MRTFB: variants seen among roughly 807,000 people sequenced by gnomAD.
MRTFB encodes myocardin related transcription factor B.
Under a neutral mutation model 104.2 loss-of-function variants are expected in MRTFB, and 29 were observed. The observed-to-expected ratio is 0.28, with a 90% CI of 0.21 to 0.38. The LOEUF (loss-of-function observed/expected upper bound fraction) is 0.38, where lower values mean the gene tolerates loss of function less well. Ranked by LOEUF, MRTFB falls within the 10% of genes least tolerant of loss-of-function variation. The pLI, the probability that MRTFB is intolerant of heterozygous loss-of-function variation, is 1.00. For synonymous variants in MRTFB, 535 were observed against 519.5 expected (o/e 1.03, Z -0.41); for missense variants, 1,270 against 1,341.6 (o/e 0.95, Z 0.83).
intron 3 of MRTFB, chr16:14,142,992 C>A (rs1021052199): frequency 3.3e-5 from 5 of 152,070 alleles, no homozygotes; most frequent in Admixed American, 2.6e-4. Context: ...ATAAAACCAT[C>A]CTACTCAAAG....
intron 2 of MRTFB, among the ~76,000 whole-genome samples, chr16:14,096,794 T>A (rs1448773929): frequency 1.3e-5 from 2 of 152,250 alleles, no homozygotes; most frequent in Non-Finnish European, 2.9e-5. Context: ...GTATGTTTTT[T>A]AAAAAATCAT....
chr16:14,159,382 T>C (rs2038945733), intron 3 of MRTFB, among the ~76,000 whole-genome samples: 1 of 152,166 alleles, frequency 6.6e-6, no homozygotes, highest in Non-Finnish European at 1.5e-5. Context: ...GTAGAAGATG[T>C]CCAAATAATT....
chr16:14,200,906 G>A, intron 3 of MRTFB: 2 of 1,451,028 alleles, frequency 1.4e-6, no homozygotes, highest in Non-Finnish European at 1.9e-6. Flanking sequence ...AATTTAACCA[G>A]CATGGCTACT....
At chr16:14,034,573 C>T in the MRTFB span, among the ~76,000 whole-genome samples, 1 of 145,676 alleles carries the variant, frequency 6.9e-6, no homozygotes, top group African/African-American at 2.6e-5. Context: ...GAGATCGTGC[C>T]ATTGCACTCC....
At chr16:14,121,223 A>T (rs1596947036) in intron 2 of MRTFB, among the ~76,000 whole-genome samples, 2 of 139,892 alleles carry the variant, frequency 1.4e-5, no homozygotes. Context: ...TTTTACATTG[A>T]GCTTTAGGCT....
At chr16:14,225,523 C>T (rs9931854) in intron 8 of MRTFB, among the ~76,000 whole-genome samples, 1 of 152,000 alleles carries the variant, frequency 6.6e-6, no homozygotes, top group African/African-American at 2.4e-5. Flanking sequence ...GCAAACCTAC[C>T]CCCAAAAGCT....
intron 9 of MRTFB, among the ~76,000 whole-genome samples, chr16:14,235,692 G>A (rs2042466523): frequency 6.6e-6 from 1 of 152,096 alleles, no homozygotes; most frequent in African/African-American, 2.4e-5. Flanking sequence ...CACTTGTGGG[G>A]GCTGATAGGT....
chr16:14,247,763 C>G (rs1282217789), intron 12 of MRTFB: 2 of 472,278 alleles, frequency 4.2e-6, no homozygotes, highest in Non-Finnish European at 7.5e-6. Flanking sequence ...TCCATGCAGA[C>G]ATTTTTTTAC....
chr16:14,191,628 T>G (rs2040188830), intron 3 of MRTFB, among the ~76,000 whole-genome samples: 2 of 152,198 alleles, frequency 1.3e-5, no homozygotes, highest in Non-Finnish European at 2.9e-5. Context: ...TGCATAAGTA[T>G]TTAAAGAGTA....
intron 15 of MRTFB, among the ~76,000 whole-genome samples, chr16:14,253,976 A>G (rs2043369315): frequency 6.6e-6 from 1 of 152,352 alleles, no homozygotes; most frequent in South Asian, 2.1e-4. Flanking sequence ...TGAATTGCCA[A>G]GAGCTTAACT....
At chr16:14,005,155 G>A in the MRTFB span, among the ~76,000 whole-genome samples, 1 of 152,214 alleles carries the variant, frequency 6.6e-6, no homozygotes, top group African/African-American at 2.4e-5. Flanking sequence ...CAACAGCTGA[G>A]AACACAAAAA....
rs141001237 is a variant in MRTFB, at chr16:14,157,456, A to C, written c.154+16696A>C. On this transcript the variant is annotated intron_variant, in intron 3 of 16. Coordinates refer to ENST00000571589, the MANE Select transcript of MRTFB (RefSeq NM_001308142.2). The stretch of plus-strand genomic sequence containing the variant: ...TGGCTCCCCAAAGTCTGTACTCCCT[A>C]CTTTTTAGCCTTGGGCCTAGTGGTT... 7.5e-4 allele frequency among the ~76,000 whole-genome samples: 114 copies of C among 152,318 alleles called. No individual in the cohort carries two copies. The East Asian group carries it at 0.02, about 27-fold the overall frequency.
chr16:14,257,113 C>T (rs2043527777), intron 15 of MRTFB, among the ~76,000 whole-genome samples: 1 of 152,120 alleles, frequency 6.6e-6, no homozygotes, highest in South Asian at 2.1e-4. Context: ...GAATGGAGAA[C>T]AACTAGAAAT....
the MRTFB span, among the ~76,000 whole-genome samples, chr16:14,057,068 GA>G: frequency 1.3e-5 from 2 of 152,296 alleles, no homozygotes; most frequent in East Asian, 3.9e-4. Flanking sequence ...GAGGCTACAG[GA>G]AAGAGAGCTG....
At chr16:14,105,350 A>G (rs538097248) in intron 2 of MRTFB, among the ~76,000 whole-genome samples, 5 of 152,134 alleles carry the variant, frequency 3.3e-5, no homozygotes, top group Admixed American at 6.5e-5. Context: ...TAAAAAAAGA[A>G]AAGTTGCACT....
At chr16:14,203,983 A>G (rs537951506) in intron 3 of MRTFB, among the ~76,000 whole-genome samples, 63 of 152,236 alleles carry the variant, frequency 4.1e-4, no homozygotes, top group African/African-American at 1.3e-3. Context: ...TGTTTGAGAC[A>G]GAGTTCTTGC....
the MRTFB span, among the ~76,000 whole-genome samples, chr16:14,063,209 G>A: frequency 7.6e-4 from 115 of 152,248 alleles, no homozygotes; most frequent in African/African-American, 2.5e-3. Flanking sequence ...GAGGACCAAC[G>A]ACGTTGCTCA....
At chr16:14,196,678 G>A (rs1380069484) in intron 3 of MRTFB, among the ~76,000 whole-genome samples, 2 of 152,120 alleles carry the variant, frequency 1.3e-5, no homozygotes, top group Admixed American at 6.5e-5. Flanking sequence ...TTTGCTCTTT[G>A]TAGTGTCTGG....
intron 2 of MRTFB, among the ~76,000 whole-genome samples, chr16:14,103,776 A>G (rs1443912881): frequency 6.6e-6 from 1 of 152,228 alleles, no homozygotes; most frequent in Non-Finnish European, 1.5e-5. Context: ...CCAGCCAAGG[A>G]TTGGCATAAA....
Sources: gnomAD v4.1 joint callset for allele counts (sites outside exome capture counted in the v4.1 genomes callset) on GRCh38, gnomAD v4.1.1 for gene constraint, MANE v1.5 for transcripts, NCBI Gene and HGNC (gene_info 2026-07-23, HGNC 2026-07-21) for gene names.